The following TENM2 variants were observed in gnomAD, a reference collection of about 807,000 sequenced individuals.
The protein encoded by TENM2 is teneurin-2.
A neutral mutation model predicts 245.2 loss-of-function variants in TENM2; 52 were observed. The ratio of observed to expected loss-of-function variants is 0.21; its 90% CI spans 0.17 to 0.27. TENM2 has a LOEUF of 0.27. TENM2 is among the 10% of genes least tolerant of loss of function. The pLI is 1.00. For synonymous variants in TENM2, 1,363 were observed against 1,438.9 expected (o/e 0.95, Z 1.19); for missense variants, 3,046 against 3,666.8 (o/e 0.83, Z 4.37).
chr5:167,284,823 G>T (rs1252052838), exon 1 of TENM2: 1 of 1,540,444 alleles, frequency 6.5e-7, no homozygotes, highest in African/African-American at 1.4e-5. Flanking sequence ...TCAGCATTCT[G>T]CCATATCTGG....
intron 2 of TENM2, among the ~76,000 whole-genome samples, chr5:167,460,813 G>T (rs1766250721): frequency 6.6e-6 from 1 of 152,100 alleles, no homozygotes; most frequent in Non-Finnish European, 1.5e-5. Context: ...TCCGGGCTGG[G>T]CTTTTAAGGG....
In TENM2 at chr5:167,818,778, G is replaced by A. The variant is rs145359960; in HGVS notation, c.503-57208G>A. The stretch of plus-strand genomic sequence containing the variant: ...CCAAGGAACAGTCTCTGTTCTCATC[G>A]CTCCAGTTAGTTGCTTTTAAACCCT... On this transcript the variant is annotated intron_variant, in intron 2 of 28. Transcript: ENST00000518659. Among the ~76,000 whole-genome samples, 678 of 152,236 alleles carry A rather than the reference G, an allele frequency of 4.5e-3. 7 individuals carry two copies. The highest frequency in any genetic ancestry group is 0.015 in the African/African-American group (641 of 41,542).
At chr5:167,572,760 G>A (rs1348785111) in intron 2 of TENM2, among the ~76,000 whole-genome samples, 3 of 152,090 alleles carry the variant, frequency 2.0e-5, no homozygotes, top group African/African-American at 4.8e-5. Context: ...TTTCGACTTC[G>A]TGTCAAAAAT....
intron 25 of TENM2, among the ~76,000 whole-genome samples, chr5:168,243,031 A>C (rs1365726757): frequency 6.6e-6 from 1 of 152,014 alleles, no homozygotes; most frequent in African/African-American, 2.4e-5. Context: ...AGTGCTGTTG[A>C]ATTATTAGGG....
chr5:167,452,966 A>AATATATATATATATTTAT, intron 2 of TENM2, among the ~76,000 whole-genome samples: 1 of 29,458 alleles, frequency 3.4e-5, no homozygotes, highest in South Asian at 1.2e-3. Flanking sequence ...TATATATTTA[A>AATATATATATATATTTAT]AAAAAAAAAC....
At chr5:167,916,759 T>C (rs765036626) in intron 3 of TENM2, among the ~76,000 whole-genome samples, 11 of 151,708 alleles carry the variant, frequency 7.3e-5, no homozygotes, top group African/African-American at 2.2e-4. Context: ...GAAAAGAAAA[T>C]CCGTGGGAGG....
At chr5:167,389,150 T>A (rs1473814416) in intron 2 of TENM2, among the ~76,000 whole-genome samples, 5 of 151,740 alleles carry the variant, frequency 3.3e-5, no homozygotes, top group Admixed American at 3.3e-4. Context: ...GTAAGATATC[T>A]ATATGTTTTA....
At chr5:168,253,582 C>T (rs1304700311) in intron 27 of TENM2, among the ~76,000 whole-genome samples, 3 of 151,988 alleles carry the variant, frequency 2.0e-5, no homozygotes, top group African/African-American at 4.8e-5. Context: ...CCCGCCACCA[C>T]GCCCGGCTAA....
intron 27 of TENM2, among the ~76,000 whole-genome samples, chr5:168,256,681 T>C (rs1390770449): frequency 6.6e-6 from 1 of 152,172 alleles, no homozygotes; most frequent in African/African-American, 2.4e-5. Context: ...CGCCTCGGCC[T>C]CCCAAAATGC....
chr5:167,296,078 A>G (rs1754930359), intron 1 of TENM2, among the ~76,000 whole-genome samples: 1 of 152,144 alleles, frequency 6.6e-6, no homozygotes, highest in Admixed American at 6.5e-5. Flanking sequence ...TTCAAGAATG[A>G]GGGGGGAAAA....
intron 2 of TENM2, among the ~76,000 whole-genome samples, chr5:167,538,375 C>T (rs1428886756): frequency 1.3e-5 from 2 of 152,222 alleles, no homozygotes; most frequent in South Asian, 2.1e-4. Flanking sequence ...GAGCAAAGTA[C>T]AGAACAGCCT....
At position 167,476,437 on chromosome 5, in the gene TENM2, C is replaced by G. The variant is rs142808844; in HGVS notation, c.502+100964C>G. The stretch of plus-strand genomic sequence containing the variant: ...ATTTCATTATAAAATGTCAAAAAAT[C>G]ATATTTGTAAATCACCATCAAGCTT... On this transcript the variant is annotated intron_variant, in intron 2 of 28. Coordinates refer to ENST00000518659, the Ensembl canonical transcript of TENM2. Among the ~76,000 whole-genome samples, 837 of 152,242 alleles carry G rather than the reference C, an allele frequency of 5.5e-3. 9 individuals are homozygous for G. The highest frequency in any genetic ancestry group is 0.019 in the African/African-American group (775 of 41,542).
intron 2 of TENM2, among the ~76,000 whole-genome samples, chr5:167,875,006 A>G (rs1419694855): frequency 6.6e-6 from 1 of 152,194 alleles, no homozygotes; most frequent in African/African-American, 2.4e-5. Flanking sequence ...TTCTACCTCA[A>G]ACTAATGAGT....
chr5:167,155,166 G>A, the TENM2 span, among the ~76,000 whole-genome samples: 1 of 152,168 alleles, frequency 6.6e-6, no homozygotes, highest in Non-Finnish European at 1.5e-5. Context: ...GTCATAAGGC[G>A]CAGTGTAGAG....
In TENM2 at chr5:167,514,805, G is replaced by A. The variant is rs1770206601; in HGVS notation, c.502+139332G>A. Among the ~76,000 whole-genome samples the A allele has an allele frequency of 3.3e-5, 5 of 152,170 alleles. 2 individuals are homozygous for A. The South Asian group carries it at 1.0e-3, about 32-fold the overall frequency. Reference sequence around the variant, plus strand: ...GGGGGTGGATCACCTGAGGTCAGGAGTTCGAGACCAGCCTGACCAACATGG... The same window carrying A: ...GGGGGTGGATCACCTGAGGTCAGGAATTCGAGACCAGCCTGACCAACATGG... On this transcript the variant is annotated intron_variant, in intron 2 of 28. Transcript: ENST00000518659.
intron 2 of TENM2, among the ~76,000 whole-genome samples, chr5:167,662,423 T>C (rs1193272951): frequency 6.6e-6 from 1 of 152,204 alleles, no homozygotes. Context: ...GTTTGCTTAA[T>C]AGATTTTATG....
intron 3 of TENM2, among the ~76,000 whole-genome samples, chr5:167,907,820 G>C (rs988480794): frequency 4.0e-5 from 6 of 151,800 alleles, no homozygotes; most frequent in African/African-American, 1.2e-4. Flanking sequence ...CCACCACAGA[G>C]ATAAAAGTTC....
intron 2 of TENM2, among the ~76,000 whole-genome samples, chr5:167,591,782 C>T (rs1436517525): frequency 6.6e-6 from 1 of 152,134 alleles, no homozygotes; most frequent in Non-Finnish European, 1.5e-5. Flanking sequence ...ATAGAACAGC[C>T]ACTCACAGAA....
chr5:167,922,447 T>C (rs1178404503), intron 3 of TENM2, among the ~76,000 whole-genome samples: 2 of 152,232 alleles, frequency 1.3e-5, no homozygotes, highest in African/African-American at 4.8e-5. Context: ...CTTTTCTTTC[T>C]GACTCTGTGC....
Sources: gnomAD v4.1 joint callset for allele counts (sites outside exome capture counted in the v4.1 genomes callset) on GRCh38, gnomAD v4.1.1 for gene constraint, MANE v1.5 for transcripts, NCBI Gene and HGNC (gene_info 2026-07-23, HGNC 2026-07-21) for gene names.